Variants in MYO7B observed in about 807,000 individuals in gnomAD.
MYO7B encodes the protein unconventional myosin-VIIb.
Under a neutral mutation model 259.7 loss-of-function variants are expected in MYO7B, and 212 were observed. The ratio of observed to expected loss-of-function variants is 0.82; its 90% CI spans 0.73 to 0.91. The LOEUF (loss-of-function observed/expected upper bound fraction) is 0.91. Ranked by LOEUF, MYO7B falls within the 40% of genes least tolerant of loss-of-function variation. The pLI, the probability that MYO7B is intolerant of heterozygous loss-of-function variation, is 0.00. For synonymous variants in MYO7B, 1,197 were observed against 1,166.4 expected (o/e 1.03, Z -0.54); for missense variants, 2,732 against 2,813.5 (o/e 0.97, Z 0.66).
Position 127,553,570 on chromosome 2 carries a change from G to A in MYO7B, c.-23-6130G>A, listed in dbSNP as rs371585395. 3.3e-5 allele frequency among the ~76,000 whole-genome samples: 5 copies of A among 152,288 alleles called. No individual in the cohort carries two copies. In the East Asian group the frequency reaches 9.6e-4, roughly 29 times the overall value. On this transcript the variant is annotated intron_variant, in intron 1 of 47. Coordinates refer to ENST00000409816, the MANE Select transcript of MYO7B (RefSeq NM_001393586.1). The stretch of plus-strand genomic sequence containing the variant: ...TTGATTCTCAGCTTGGTCACTTTTG[G>A]TGTATAGCAGAGCTACTGATTTGTG...
chr2:127,609,760 C>G lies in MYO7B; in HGVS notation c.3024+45C>G. Reference sequence around the variant, plus strand: ...TCTAGTGGATCAGGCCAGCCCCGAGCCTGGGGTGTGAGCTATGGCTCGGGG... The same window carrying G: ...TCTAGTGGATCAGGCCAGCCCCGAGGCTGGGGTGTGAGCTATGGCTCGGGG... On this transcript the variant is annotated intron_variant, in intron 23 of 47. Coordinates refer to ENST00000409816, the MANE Select transcript of MYO7B (RefSeq NM_001393586.1). The surrounding 1 kb of genome is among the most constrained non-coding windows in gnomAD (Gnocchi z 6.9). 6.2e-7 allele frequency: 1 copy of G among 1,612,428 alleles called. No homozygotes were observed. The highest frequency in any genetic ancestry group is 1.3e-5 in the African/African-American group (1 of 74,994).
At chr2:127,557,953 G>C (rs1456108104) in intron 1 of MYO7B, among the ~76,000 whole-genome samples, 1 of 152,096 alleles carries the variant, frequency 6.6e-6, no homozygotes, top group Non-Finnish European at 1.5e-5. Flanking sequence ...TCATGACCAA[G>C]AGCCCAAAAA....
Position 127,609,650 on chromosome 2 carries a change from C to G in MYO7B, c.2959C>G (p.His987Asp). The stretch of plus-strand genomic sequence containing the variant: ...GACTTACTTCCAGAAATCAGCCAGC[C>G]ACACACACATCCGGCGGCCCCTCCG... ...AVTYFQKSAS[H>D]THIRRPLRYP... Residue 987 changes from histidine to aspartate, a missense_variant, in exon 23 of 48, where the codon CAC (histidine) becomes GAC (aspartate). By Grantham distance (81) the His-to-Asp change is moderately conservative (BLOSUM62 -1). Transcript: ENST00000409816. This position sits in a 1 kb window ranked among gnomAD's most constrained non-coding sequence, Gnocchi z 6.9. 1.9e-6 allele frequency: 3 copies of G among 1,613,966 alleles called. No homozygotes were observed. Among genetic ancestry groups the G allele is most frequent in the Non-Finnish European group, 1.7e-6 (2 of 1,179,886 alleles).
intron 1 of MYO7B, among the ~76,000 whole-genome samples, chr2:127,536,161 G>C (rs1456572080): frequency 6.6e-6 from 1 of 152,176 alleles, no homozygotes; most frequent in African/African-American, 2.4e-5. Flanking sequence ...CAGCTAGAGG[G>C]CCTCACTGTG....
At chr2:127,637,174 C>T (rs568439078) in intron 47 of MYO7B, 142 bp from the exon 48 acceptor site, 132 of 884,402 alleles carry the variant, frequency 1.5e-4, no homozygotes, top group South Asian at 1.1e-3. Context: ...GCAGAAATGA[C>T]GGCCCCAATG....
At chr2:127,629,063 C>T (rs1445844471) in intron 34 of MYO7B, among the ~76,000 whole-genome samples, 1 of 152,176 alleles carries the variant, frequency 6.6e-6, no homozygotes, top group Non-Finnish European at 1.5e-5. Context: ...CCAGGACCCC[C>T]GCTGGGCCAG....
intron 7 of MYO7B, among the ~76,000 whole-genome samples, chr2:127,574,985 G>T (rs894336351): frequency 6.6e-6 from 1 of 152,110 alleles, no homozygotes; most frequent in Non-Finnish European, 1.5e-5. Flanking sequence ...CTCGTATGAT[G>T]GCATAACACC....
Position 127,623,269 on chromosome 2 carries a change from C to T in MYO7B, c.3713C>T (p.Pro1238Leu), listed in dbSNP as rs375258565. The change falls in exon 29 of 48, where the codon CCC becomes CTC. Residue 1238 changes from proline (P) to leucine (L), a missense_variant. This residue lies in a region of MYO7B where 1,906 missense variants were observed against 2,026.4 expected (regional missense o/e 0.94). Transcript: ENST00000409816. The stretch of plus-strand genomic sequence containing the variant: ...GCCACTGGAGAGAGCCTAACCGTCC[C>T]CGTGGACTCAGCCTCCACATCTCGG... ...ILATGESLTV[P>L]VDSASTSREM... 6.2e-7 allele frequency: 1 copy of T among 1,613,544 alleles called. No individual in the cohort carries two copies. Among genetic ancestry groups the T allele is most frequent in the African/African-American group, 1.3e-5 (1 of 74,910 alleles).
intron 28 of MYO7B, 131 bp from the exon 29 acceptor site, chr2:127,623,071 C>A: frequency 9.2e-7 from 1 of 1,090,370 alleles, no homozygotes; most frequent in Non-Finnish European, 1.3e-6. Context: ...TCAGAGGGCC[C>A]ACCCCTGGGA....
intron 1 of MYO7B, among the ~76,000 whole-genome samples, chr2:127,544,576 T>C (rs1693141396): frequency 2.5e-5 from 1 of 40,742 alleles, no homozygotes; most frequent in Non-Finnish European, 4.1e-5. Flanking sequence ...GTCTGGCTAA[T>C]TTTTTTTTTT....
intron 6 of MYO7B, among the ~76,000 whole-genome samples, chr2:127,571,442 G>GTTTTTTTTTTGGTTTTTTTT (rs1553448471): frequency 2.4e-5 from 1 of 41,984 alleles, no homozygotes; most frequent in African/African-American, 8.1e-5. Context: ...TTACCAGTGA[G>GTTTTTTTTTTGGTTTTTTTT]TTTTTTTTTT....
At chr2:127,557,117 A>G (rs1483338095) in intron 1 of MYO7B, among the ~76,000 whole-genome samples, 1 of 152,044 alleles carries the variant, frequency 6.6e-6, no homozygotes, top group Non-Finnish European at 1.5e-5. Context: ...GAATTGAGTT[A>G]ATTCTGAATT....
At chr2:127,540,083 A>G (rs1232678077) in intron 1 of MYO7B, among the ~76,000 whole-genome samples, 1 of 152,078 alleles carries the variant, frequency 6.6e-6, no homozygotes, top group Non-Finnish European at 1.5e-5. Flanking sequence ...TCATGAGTTG[A>G]TGGACACTTA....
chr2:127,571,908 C>A (rs1010539690), intron 6 of MYO7B, among the ~76,000 whole-genome samples: 6 of 152,212 alleles, frequency 3.9e-5, no homozygotes, highest in Admixed American at 3.9e-4. Flanking sequence ...TTTTGCAGGG[C>A]AGAAGTTTTA....
Position 127,584,283 on chromosome 2 carries a change from A to G in MYO7B, c.1505A>G (p.Lys502Arg). Residue 502 changes from lysine to arginine, a missense_variant, in exon 13 of 48, where the codon AAG (lysine) becomes AGG (arginine). Around this residue, in one of 3 missense-constraint regions of MYO7B, gnomAD observed 1,906 missense variants for 2,026.4 expected, o/e 0.94. Coordinates refer to ENST00000409816, the MANE Select transcript of MYO7B (RefSeq NM_001393586.1). This position sits in a 1 kb window ranked among gnomAD's most constrained non-coding sequence, Gnocchi z 5.8. Reference sequence around the variant, plus strand: ...CCCACCCTGGACCTGCTGGCCCTCAAGCCCATGAGCATCATCTCCCTCCTG... The same window carrying G: ...CCCACCCTGGACCTGCTGGCCCTCAGGCCCATGAGCATCATCTCCCTCCTG... ...NRPTLDLLAL[K>R]PMSIISLLDE... The G allele has an allele frequency of 6.2e-7, 1 of 1,613,980 alleles. No individual in the cohort carries two copies.
intron 26 of MYO7B, among the ~76,000 whole-genome samples, chr2:127,616,710 G>A (rs1168564349): frequency 6.6e-6 from 1 of 152,226 alleles, no homozygotes; most frequent in Non-Finnish European, 1.5e-5. Flanking sequence ...CCTGGAGAGA[G>A]GGAATTAATG....
chr2:127,634,548 A>G (rs752650727), intron 41 of MYO7B, 48 bp from the exon 42 acceptor site: 37 of 1,523,780 alleles, frequency 2.4e-5, no homozygotes, highest in Non-Finnish European at 3.1e-5. Flanking sequence ...TCTCAGGAGG[A>G]CAGTCCCCGG....
Position 127,628,433 on chromosome 2 carries a change from T to C in MYO7B, c.4522T>C (p.Ser1508Pro). The C allele has an allele frequency of 6.3e-7, 1 of 1,595,458 alleles. No individual in the cohort carries two copies. Among genetic ancestry groups the C allele is most frequent in the Non-Finnish European group, 8.5e-7 (1 of 1,172,618 alleles). The stretch of plus-strand genomic sequence containing the variant: ...GATGCATGAGGAGTACGAGTTTGTG[T>C]CACCCAGCAGTGTGGCCATCGCTGA... ...STMHEEYEFV[S>P]PSSVAIAELV... Residue 1508 changes from serine to proline, a missense_variant, in exon 34 of 48, where the codon TCA becomes CCA. Physicochemically the swap from Ser to Pro is moderately conservative, Grantham distance 74 (BLOSUM62 -1). This residue lies in a region of MYO7B where 1,906 missense variants were observed against 2,026.4 expected (regional missense o/e 0.94). Coordinates refer to ENST00000409816, the MANE Select transcript of MYO7B (RefSeq NM_001393586.1). The surrounding 1 kb of genome is among the most constrained non-coding windows in gnomAD (Gnocchi z 4.8).
At chr2:127,596,142 C>T (rs1045007459) in intron 18 of MYO7B, among the ~76,000 whole-genome samples, 1 of 152,180 alleles carries the variant, frequency 6.6e-6, no homozygotes, top group Non-Finnish European at 1.5e-5. Flanking sequence ...GCAAATGTCA[C>T]ATGAATTTTG....
Sources: gnomAD v4.1 joint callset for allele counts (sites outside exome capture counted in the v4.1 genomes callset) on GRCh38, gnomAD v4.1.1 for gene constraint, gnomAD v4.1.1 regional missense constraint, Gnocchi (gnomAD v3.1) non-coding constraint, MANE v1.5 for transcripts, NCBI Gene and HGNC (gene_info 2026-07-23, HGNC 2026-07-21) for gene names.